NTN4: variants seen among roughly 807,000 people sequenced by gnomAD.
NTN4 encodes the protein netrin 4.
In NTN4, 32 loss-of-function variants were observed where a neutral mutation model predicts 73.6. The observed-to-expected ratio is 0.44, with a 90% CI of 0.33 to 0.58. The LOEUF is 0.58. NTN4 is among the 20% of genes least tolerant of loss of function. The pLI, the probability that NTN4 is intolerant of heterozygous loss-of-function variation, is 0.04. For missense variants in NTN4, 654 were observed against 798.3 expected (o/e 0.82, Z 2.18); for synonymous variants, 258 against 287.5 (o/e 0.90, Z 1.04).
rs377536078 is a variant in NTN4, at chr12:95,736,314, T to C, written c.864+1552A>G. Among the ~76,000 whole-genome samples, 27 of 152,246 alleles carry C rather than the reference T, an allele frequency of 1.8e-4. No homozygotes were observed. In the South Asian group the frequency reaches 2.9e-3, roughly 16 times the overall value. On this transcript the variant is annotated intron_variant, in intron 3 of 9. Coordinates refer to ENST00000343702, the MANE Select transcript of NTN4 (RefSeq NM_021229.4). ...GATCAGAGCCATGCAGGTAGTCTCATAGGTCCTTCAGTCCACAAATATTGA... is the reference window on the plus strand; with the variant it reads ...GATCAGAGCCATGCAGGTAGTCTCACAGGTCCTTCAGTCCACAAATATTGA...
At chr12:95,702,478 A>C (rs2078492613) in intron 5 of NTN4, among the ~76,000 whole-genome samples, 1 of 152,104 alleles carries the variant, frequency 6.6e-6, no homozygotes, top group African/African-American at 2.4e-5. Flanking sequence ...TTTTCATTGC[A>C]CTTTCCTCTT....
chr12:95,753,129 A>C (rs1299043097), intron 2 of NTN4, among the ~76,000 whole-genome samples: 8 of 152,140 alleles, frequency 5.3e-5, no homozygotes, highest in Non-Finnish European at 8.8e-5. Flanking sequence ...TCACCCTGAT[A>C]ACGCTTGATT....
intron 5 of NTN4, among the ~76,000 whole-genome samples, chr12:95,704,718 A>G (rs141788549): frequency 9.8e-4 from 150 of 152,320 alleles, no homozygotes; most frequent in Non-Finnish European, 1.9e-3. Context: ...AACCAGAGTA[A>G]TATTCTGGAA....
At chr12:95,701,777 G>A (rs2078486747) in intron 5 of NTN4, among the ~76,000 whole-genome samples, 1 of 152,144 alleles carries the variant, frequency 6.6e-6, no homozygotes, top group African/African-American at 2.4e-5. Context: ...AACATTCGTG[G>A]AACCAGTAAG....
Position 95,690,549 on chromosome 12 carries a change from C to T in NTN4, c.1181-6838G>A, listed in dbSNP as rs78942019. On this transcript the variant is annotated intron_variant, in intron 5 of 9. Coordinates refer to ENST00000343702, the MANE Select transcript of NTN4 (RefSeq NM_021229.4). The stretch of plus-strand genomic sequence containing the variant: ...GGTTTTTATTATGAGAACATTTAGG[C>T]ATTTTTCTCTTAAAGTATCAAAGCA... Among the ~76,000 whole-genome samples, 2,349 of 152,140 alleles carry T rather than the reference C, an allele frequency of 0.015. 227 individuals carry two copies. The East Asian group carries it at 0.28, about 18-fold the overall frequency.
intron 5 of NTN4, among the ~76,000 whole-genome samples, chr12:95,709,910 G>A (rs1039059176): frequency 2.0e-5 from 3 of 152,176 alleles, no homozygotes; most frequent in Admixed American, 6.5e-5. Context: ...TTTTGGGGGA[G>A]AGCATAAAAT....
Position 95,781,390 on chromosome 12 carries a change from A to T in NTN4, c.585+5549T>A, listed in dbSNP as rs1177672268. On this transcript the variant is annotated intron_variant, in intron 2 of 9. Transcript: ENST00000343702. This position sits in a 1 kb window ranked among gnomAD's most constrained non-coding sequence, Gnocchi z 4.1. ...GTTCACTCATGAAAACTTGCCAGGA[A>T]CTCATAGTCCTTGTCACTGTCCATT... is the stretch of plus-strand genomic sequence containing the variant. Among the ~76,000 whole-genome samples, 1 of 152,194 alleles carries T rather than the reference A, an allele frequency of 6.6e-6. No individual in the cohort carries two copies. The highest frequency in any genetic ancestry group is 1.5e-5 in the Non-Finnish European group (1 of 68,034).
chr12:95,705,744 G>A (rs1440302615), intron 5 of NTN4, among the ~76,000 whole-genome samples: 1 of 152,078 alleles, frequency 6.6e-6, no homozygotes, highest in East Asian at 1.9e-4. Context: ...GTGTGTGTGT[G>A]TATACCACTA....
intron 3 of NTN4, among the ~76,000 whole-genome samples, chr12:95,731,576 A>G (rs1175661836): frequency 1.3e-5 from 2 of 151,974 alleles, no homozygotes; most frequent in Non-Finnish European, 2.9e-5. Flanking sequence ...TAAATAAATA[A>G]ATCAGCTAAC....
intron 8 of NTN4, 135 bp from the exon 9 acceptor site, chr12:95,666,115 A>G: frequency 1.5e-6 from 1 of 680,928 alleles, no homozygotes; most frequent in Non-Finnish European, 2.4e-6. Context: ...TTTAAAAATC[A>G]TTAGGCATTA....
intron 2 of NTN4, among the ~76,000 whole-genome samples, chr12:95,741,476 T>A (rs1196319266): frequency 4.5e-5 from 5 of 110,650 alleles, no homozygotes; most frequent in African/African-American, 1.7e-4. Flanking sequence ...TATATATATC[T>A]CCTCCATGCC....
intron 2 of NTN4, among the ~76,000 whole-genome samples, chr12:95,751,190 C>A: frequency 6.6e-6 from 1 of 151,916 alleles, no homozygotes. Flanking sequence ...AACCCCACAA[C>A]AGGATTTAAT....
Position 95,771,471 on chromosome 12 carries a change from T to C in NTN4, c.585+15468A>G, listed in dbSNP as rs189313507. On this transcript the variant is annotated intron_variant, in intron 2 of 9. Coordinates refer to ENST00000343702, the MANE Select transcript of NTN4 (RefSeq NM_021229.4). ...ATTTTTAAAAAATTCTGCACACAAATTGAAATTGTGAAAGTATAAACCCTT... is the reference window on the plus strand; with the variant it reads ...ATTTTTAAAAAATTCTGCACACAAACTGAAATTGTGAAAGTATAAACCCTT... Among the ~76,000 whole-genome samples the C allele has an allele frequency of 2.0e-5, 3 of 152,312 alleles. No homozygotes were observed. The East Asian group carries it at 5.8e-4, about 29-fold the overall frequency.
chr12:95,693,063 C>T (rs769225363), intron 5 of NTN4, among the ~76,000 whole-genome samples: 8 of 152,042 alleles, frequency 5.3e-5, no homozygotes, highest in East Asian at 3.9e-4. Flanking sequence ...GCTCACCACT[C>T]GTTCATTCAT....
chr12:95,694,594 T>C lies in NTN4; in HGVS notation c.1181-10883A>G, dbSNP rs181144583. On this transcript the variant is annotated intron_variant, in intron 5 of 9. Transcript: ENST00000343702. ...TAAATAGTAGAAAAAATGAGATCTT[T>C]TATCTTTTTTTTCTTTTTGGCACTG... is the stretch of plus-strand genomic sequence containing the variant. Among the ~76,000 whole-genome samples, 9 of 152,314 alleles carry C rather than the reference T, an allele frequency of 5.9e-5. No individual in the cohort carries two copies. The East Asian group carries it at 1.2e-3, about 20-fold the overall frequency.
At chr12:95,669,535 C>T (rs985885366) in intron 8 of NTN4, among the ~76,000 whole-genome samples, 6 of 152,100 alleles carry the variant, frequency 3.9e-5, no homozygotes, top group Non-Finnish European at 5.9e-5. Context: ...ACATCTCATT[C>T]CACGAGGAAG....
chr12:95,709,494 TTTTTC>T (rs1472643485), intron 5 of NTN4, among the ~76,000 whole-genome samples: 1 of 152,148 alleles, frequency 6.6e-6, no homozygotes, highest in Non-Finnish European at 1.5e-5. Context: ...AATAAACCTC[TTTTTC>T]TTTTCTTTCC....
intron 2 of NTN4, among the ~76,000 whole-genome samples, chr12:95,750,619 C>T (rs1425616825): frequency 2.0e-5 from 3 of 152,178 alleles, no homozygotes; most frequent in African/African-American, 7.2e-5. Context: ...ACATCAGTCC[C>T]TTCCTAGCCT....
chr12:95,675,033 G>A (rs1003901938), intron 7 of NTN4, among the ~76,000 whole-genome samples: 1 of 152,188 alleles, frequency 6.6e-6, no homozygotes, highest in African/African-American at 2.4e-5. Context: ...GTCATTGTGT[G>A]CTTAGAAAAA....
Sources: gnomAD v4.1 joint callset for allele counts (sites outside exome capture counted in the v4.1 genomes callset) on GRCh38, gnomAD v4.1.1 for gene constraint, Gnocchi (gnomAD v3.1) non-coding constraint, MANE v1.5 for transcripts, NCBI Gene and HGNC (gene_info 2026-07-23, HGNC 2026-07-21) for gene names.